The following MTUS2 variants were observed in gnomAD, a reference collection of about 807,000 sequenced individuals.
MTUS2 encodes microtubule associated scaffold protein 2.
In MTUS2, 40 loss-of-function variants were observed where a neutral mutation model predicts 114.1. The observed-to-expected ratio is 0.35, with a 90% confidence interval of 0.27 to 0.46. MTUS2 has a LOEUF of 0.46. Ranked by LOEUF, MTUS2 falls within the 20% of genes least tolerant of loss-of-function variation. The pLI, the probability that MTUS2 is intolerant of heterozygous loss-of-function variation, is 1.00. For missense variants in MTUS2, 1,679 were observed against 1,705.4 expected, an observed-to-expected ratio of 0.98 and a Z score of 0.27; for synonymous variants, 688 against 672.0, an observed-to-expected ratio of 1.02 and a Z score of -0.37.
At chr13:29,138,243 A>G (rs976702946) in intron 5 of MTUS2, among the ~76,000 whole-genome samples, 7 of 151,868 alleles carry the variant, frequency 4.6e-5, no homozygotes, top group Non-Finnish European at 7.4e-5. Context: ...ATTAACTACA[A>G]TTTGCTATCC....
At chr13:28,832,716 A>G (rs1251549462) in intron 1 of MTUS2, among the ~76,000 whole-genome samples, 5 of 148,414 alleles carry the variant, frequency 3.4e-5, no homozygotes, top group Admixed American at 6.7e-5. Flanking sequence ...TAAGTACACA[A>G]TGTAAACTAT....
chr13:29,389,040 C>T (rs949209094), intron 8 of MTUS2, among the ~76,000 whole-genome samples: 5 of 152,046 alleles, frequency 3.3e-5, no homozygotes, highest in African/African-American at 1.2e-4. Flanking sequence ...CAGTGATAAT[C>T]TGTAAACTCC....
chr13:29,154,451 C>T (rs1712680124), intron 5 of MTUS2, among the ~76,000 whole-genome samples: 1 of 152,130 alleles, frequency 6.6e-6, no homozygotes, highest in South Asian at 2.1e-4. Context: ...TTAAACATAA[C>T]AAATCCTACT....
At chr13:29,248,841 T>C (rs1593220452) in intron 5 of MTUS2, among the ~76,000 whole-genome samples, 1 of 152,322 alleles carries the variant, frequency 6.6e-6, no homozygotes, top group South Asian at 2.1e-4. Context: ...TATTCCATGG[T>C]TTATATGTAC....
chr13:29,183,904 CTT>C (rs748729984), intron 5 of MTUS2, among the ~76,000 whole-genome samples: 2 of 152,076 alleles, frequency 1.3e-5, no homozygotes, highest in African/African-American at 2.4e-5. Flanking sequence ...AAGATAGGGT[CTT>C]TTACTACTCT....
intron 9 of MTUS2, among the ~76,000 whole-genome samples, chr13:29,453,116 T>C (rs1878847614): frequency 6.6e-6 from 1 of 152,154 alleles, no homozygotes; most frequent in Non-Finnish European, 1.5e-5. Context: ...ACCATAACCA[T>C]ATCAGGCCAT....
intron 6 of MTUS2, among the ~76,000 whole-genome samples, chr13:29,297,641 C>T (rs1175377856): frequency 1.3e-5 from 2 of 152,188 alleles, no homozygotes; most frequent in Non-Finnish European, 2.9e-5. Flanking sequence ...TGCTAGTTAC[C>T]TTACATATAG....
intron 5 of MTUS2, among the ~76,000 whole-genome samples, chr13:29,173,827 C>T (rs144723408): frequency 1.3e-5 from 2 of 151,920 alleles, no homozygotes; most frequent in Non-Finnish European, 2.9e-5. Flanking sequence ...AAATAAAAAT[C>T]GCAAAAACAC....
At chr13:28,879,867 C>G (rs1333463592) in intron 2 of MTUS2, among the ~76,000 whole-genome samples, 1 of 151,910 alleles carries the variant, frequency 6.6e-6, no homozygotes, top group Non-Finnish European at 1.5e-5. Flanking sequence ...GGTCAATGTT[C>G]AGTAACCCAG....
intron 2 of MTUS2, among the ~76,000 whole-genome samples, chr13:28,982,037 T>C (rs1167621566): frequency 6.6e-6 from 1 of 152,208 alleles, no homozygotes; most frequent in Non-Finnish European, 1.5e-5. Flanking sequence ...GGTGAATCAA[T>C]CTTGGCTGTG....
At chr13:29,428,788 G>A (rs542318360) in intron 8 of MTUS2, 115 of 1,612,656 alleles carry the variant, frequency 7.1e-5, no homozygotes, top group Non-Finnish European at 8.7e-5. Flanking sequence ...CGGCTTAGGA[G>A]TTGCCCGCTG....
chr13:29,271,277 G>A (rs1162261549), intron 5 of MTUS2, among the ~76,000 whole-genome samples: 4 of 152,146 alleles, frequency 2.6e-5, no homozygotes, highest in Non-Finnish European at 5.9e-5. Context: ...AGTGAAGGTG[G>A]ATGAGTGAGA....
At chr13:28,897,711 G>A (rs372258278) in intron 2 of MTUS2, among the ~76,000 whole-genome samples, 23 of 152,206 alleles carry the variant, frequency 1.5e-4, no homozygotes, top group African/African-American at 4.8e-4. Flanking sequence ...ACCATGGAAT[G>A]CTATGCAGCC....
chr13:29,382,729 G>C (rs551543980), intron 8 of MTUS2, among the ~76,000 whole-genome samples: 2 of 152,310 alleles, frequency 1.3e-5, no homozygotes, highest in South Asian at 4.1e-4. Context: ...GGTCCGAAAA[G>C]ATTCTGCCTT....
At chr13:28,966,724 CAAAAAA>C (rs10597818) in intron 2 of MTUS2, among the ~76,000 whole-genome samples, 9 of 82,272 alleles carry the variant, frequency 1.1e-4, no homozygotes, top group Admixed American at 4.6e-4. Context: ...GACCCTGTCT[CAAAAAA>C]AAAAAAAAAA....
intron 8 of MTUS2, among the ~76,000 whole-genome samples, chr13:29,384,731 C>T (rs117753820): frequency 0.018 from 2,692 of 152,292 alleles, 45 homozygotes; most frequent in Non-Finnish European, 0.029. Context: ...AATGCTTTAA[C>T]GAGACACAGG....
At chr13:28,924,332 A>G (rs1212469484) in intron 2 of MTUS2, among the ~76,000 whole-genome samples, 1 of 152,162 alleles carries the variant, frequency 6.6e-6, no homozygotes, top group East Asian at 1.9e-4. Context: ...GTGCCGTTTT[A>G]TTCAGAATTG....
At chr13:28,944,466 T>G (rs1400172529) in intron 2 of MTUS2, among the ~76,000 whole-genome samples, 1 of 152,150 alleles carries the variant, frequency 6.6e-6, no homozygotes, top group African/African-American at 2.4e-5. Flanking sequence ...TATTACAGAG[T>G]GCTAGCTAGT....
intron 1 of MTUS2, among the ~76,000 whole-genome samples, chr13:28,835,579 A>G (rs560454305): frequency 6.6e-6 from 1 of 152,302 alleles, no homozygotes; most frequent in Admixed American, 6.5e-5. Flanking sequence ...GATAGTGGCG[A>G]TGCTTGCATG....
Sources: gnomAD v4.1 joint callset for allele counts (sites outside exome capture counted in the v4.1 genomes callset) on GRCh38, gnomAD v4.1.1 for gene constraint, MANE v1.5 for transcripts, NCBI Gene and HGNC (gene_info 2026-07-23, HGNC 2026-07-21) for gene names.